UTRN: variants seen among roughly 807,000 people sequenced by gnomAD.
UTRN encodes utrophin.
Under a neutral mutation model 463.9 loss-of-function variants are expected in UTRN, and 283 were observed. The observed-to-expected ratio is 0.61, with a 90% confidence interval of 0.55 to 0.67. The LOEUF (loss-of-function observed/expected upper bound fraction) is 0.67, where lower values mean the gene tolerates loss of function less well. UTRN is among the 30% of genes least tolerant of loss of function. The pLI is 0.00. For synonymous variants in UTRN, 1,442 were observed against 1,431.5 expected (o/e 1.01, Z -0.17); for missense variants, 3,922 against 4,084.3 (o/e 0.96, Z 1.08).
At chr6:144,478,934 T>C (rs9321976) in intron 25 of UTRN, among the ~76,000 whole-genome samples, 36,267 of 152,088 alleles carry the variant, frequency 0.24, 4,591 homozygotes, top group South Asian at 0.32. Context: ...TTTTTTACTG[T>C]AACTTTTTTG....
intron 70 of UTRN, 116 bp from the exon 71 acceptor site, chr6:144,836,185 A>G (rs1562967146): frequency 6.9e-7 from 1 of 1,456,166 alleles, no homozygotes; most frequent in Non-Finnish European, 9.1e-7. Flanking sequence ...CCTGCTATTA[A>G]TACACATTTT....
intron 51 of UTRN, among the ~76,000 whole-genome samples, chr6:144,596,933 T>G (rs1292814733): frequency 6.6e-6 from 1 of 152,168 alleles, no homozygotes; most frequent in Non-Finnish European, 1.5e-5. Flanking sequence ...TGGTGACAAG[T>G]GCAAAATGGC....
intron 13 of UTRN, among the ~76,000 whole-genome samples, chr6:144,442,687 G>A (rs1787292553): frequency 6.6e-6 from 1 of 152,146 alleles, no homozygotes; most frequent in Non-Finnish European, 1.5e-5. Context: ...TCACTATAAT[G>A]AGAACAGCAT....
chr6:144,745,532 T>C (rs769192769), intron 54 of UTRN, among the ~76,000 whole-genome samples: 1 of 152,232 alleles, frequency 6.6e-6, no homozygotes, highest in African/African-American at 2.4e-5. Flanking sequence ...GGCAGACAGA[T>C]GGTGAATTGA....
Position 144,631,674 on chromosome 6 carries a change from G to A in UTRN, c.7480-46732G>A, listed in dbSNP as rs556635924. ...AGCGTAGAATATTTTATTTCATTTT[G>A]TCTACTGTGGATCGGTTCTCCTCTC... is the stretch of plus-strand genomic sequence containing the variant. On this transcript the variant is annotated intron_variant, in intron 51 of 74. Coordinates refer to ENST00000367545, the MANE Select transcript of UTRN (RefSeq NM_007124.3). 3.2e-4 allele frequency among the ~76,000 whole-genome samples: 49 copies of A among 152,196 alleles called. 1 individual carries two copies. The highest frequency in any genetic ancestry group is 1.1e-3 in the African/African-American group (46 of 41,538).
intron 51 of UTRN, among the ~76,000 whole-genome samples, chr6:144,642,724 A>G (rs1256887298): frequency 6.6e-6 from 1 of 152,124 alleles, no homozygotes; most frequent in Admixed American, 6.5e-5. Context: ...TTTTTTCCCC[A>G]GTAGGGCGGT....
chr6:144,602,976 T>C (rs2128637535), intron 51 of UTRN, among the ~76,000 whole-genome samples: 1 of 152,316 alleles, frequency 6.6e-6, no homozygotes, highest in South Asian at 2.1e-4. Context: ...TGCTTTGTTG[T>C]GGTGATGTGG....
At chr6:144,645,570 G>GT (rs2128663988) in intron 51 of UTRN, among the ~76,000 whole-genome samples, 1 of 152,296 alleles carries the variant, frequency 6.6e-6, no homozygotes, top group East Asian at 1.9e-4. Flanking sequence ...GGTGATGTTA[G>GT]TTTTTTGATT....
intron 3 of UTRN, among the ~76,000 whole-genome samples, chr6:144,419,118 C>T (rs1784610025): frequency 6.6e-6 from 1 of 152,170 alleles, no homozygotes; most frequent in East Asian, 1.9e-4. Context: ...GGGGATTAGA[C>T]GTAGGCAGGT....
At position 144,522,075 on chromosome 6, in the gene UTRN, T is replaced by G. The variant is rs1278340464; in HGVS notation, c.5637T>G (p.Ile1879Met). ...PTDYLVEINK[I>M]LLCMDDVELS... ...ATTATCTGGTTGAAATTAACAAAAT[T>G]TTACTTTGCATGGATGATGTTGAAT... Residue 1879 changes from isoleucine (I) to methionine (M), a missense_variant, in exon 40 of 75, where the codon ATT (isoleucine) becomes ATG (methionine). Physicochemically the swap from Ile to Met is conservative, Grantham distance 10. Coordinates refer to ENST00000367545, the MANE Select transcript of UTRN (RefSeq NM_007124.3). 6.3e-7 allele frequency: 1 copy of G among 1,596,308 alleles called. No homozygotes were observed. The highest frequency in any genetic ancestry group is 1.4e-5 in the African/African-American group (1 of 73,568).
chr6:144,806,588 ATT>A (rs1778172298), intron 65 of UTRN, among the ~76,000 whole-genome samples: 1 of 102,122 alleles, frequency 9.8e-6, no homozygotes, highest in Non-Finnish European at 2.2e-5. Flanking sequence ...CTTTCCATTC[ATT>A]CTCTGAAGCC....
intron 51 of UTRN, among the ~76,000 whole-genome samples, chr6:144,624,802 C>T (rs1775781737): frequency 6.6e-6 from 1 of 152,096 alleles, no homozygotes; most frequent in African/African-American, 2.4e-5. Flanking sequence ...CAGTAAATAG[C>T]CTTAGGAACT....
intron 51 of UTRN, among the ~76,000 whole-genome samples, chr6:144,639,205 T>A (rs376808390): frequency 5.3e-5 from 8 of 152,332 alleles, no homozygotes; most frequent in Admixed American, 1.3e-4. Context: ...CATAATTTTA[T>A]CTTCCTGTCC....
Position 144,554,830 on chromosome 6 carries a change from T to C in UTRN, c.7071T>C (p.Ala2357=). 6.2e-7 allele frequency: 1 copy of C among 1,613,992 alleles called. No homozygotes were observed. Among genetic ancestry groups the C allele is most frequent in the Non-Finnish European group, 8.5e-7 (1 of 1,179,966 alleles). The change falls in exon 49 of 75, where the codon GCT becomes GCC. Residue 2357 remains alanine (A), a synonymous_variant. Transcript: ENST00000367545. ...ETEELMRKYE[A]RLYILQQARR... ...AAGAACTGATGAGAAAATATGAGGC[T>C]CGACTCTATATTCTTCAGCAAGCCC...
intron 5 of UTRN, 21 bp from the exon 6 acceptor site, chr6:144,423,964 GT>G: frequency 1.2e-6 from 2 of 1,605,104 alleles, no homozygotes; most frequent in Non-Finnish European, 1.7e-6. Flanking sequence ...TTTTGTTTTT[GT>G]TTTTTGTTTT....
rs765369223 is a variant in UTRN, at chr6:144,437,680, A to C, written c.1175A>C (p.Glu392Ala). The change falls in exon 11 of 75, where the codon GAA becomes GCA. Residue 392 changes from glutamate (E) to alanine (A), a missense_variant. Transcript: ENST00000367545. ...GACGAAGAAGAATTTGAGATTCAGG[A>C]ACAGATGACCCTGCTGAATGCTAGA... is the stretch of plus-strand genomic sequence containing the variant. ...LSDEEEFEIQ[E>A]QMTLLNARWE... is the part of the protein sequence containing the mutation. The C allele has an allele frequency of 3.7e-6, 6 of 1,614,078 alleles. No homozygotes were observed. Among genetic ancestry groups the C allele is most frequent in the Middle Eastern group, 1.6e-4 (1 of 6,084 alleles).
At chr6:144,562,695 T>C (rs1800046594) in intron 50 of UTRN, among the ~76,000 whole-genome samples, 1 of 152,196 alleles carries the variant, frequency 6.6e-6, no homozygotes, top group Non-Finnish European at 1.5e-5. Context: ...AATAGAATGA[T>C]TTATATTCCT....
intron 2 of UTRN, among the ~76,000 whole-genome samples, chr6:144,293,574 C>G (rs1804432276): frequency 6.6e-6 from 1 of 152,006 alleles, no homozygotes; most frequent in African/African-American, 2.4e-5. Context: ...AAAAGGTACA[C>G]TCAAGAAATT....
chr6:144,843,929 T>G (rs1781805377), intron 73 of UTRN, among the ~76,000 whole-genome samples: 1 of 152,234 alleles, frequency 6.6e-6, no homozygotes, highest in African/African-American at 2.4e-5. Context: ...ATATTTATAA[T>G]AGTCATAGTT....
Sources: gnomAD v4.1 joint callset for allele counts (sites outside exome capture counted in the v4.1 genomes callset) on GRCh38, gnomAD v4.1.1 for gene constraint, MANE v1.5 for transcripts, NCBI Gene and HGNC (gene_info 2026-07-23, HGNC 2026-07-21) for gene names.